Variants in EXOC4 observed in about 807,000 individuals in gnomAD.
EXOC4 encodes the protein exocyst complex component 4, also known as SEC8-like 1.
A neutral mutation model predicts 107.2 loss-of-function variants in EXOC4; 71 were observed. That is an observed-to-expected ratio of 0.66 (90% CI 0.55 to 0.81). The LOEUF (loss-of-function observed/expected upper bound fraction) is 0.81. Ranked by LOEUF, EXOC4 falls within the 30% of genes least tolerant of loss-of-function variation. The pLI is 0.00. For synonymous variants in EXOC4, 456 were observed against 441.2 expected, an observed-to-expected ratio of 1.03 and a Z score of -0.42; for missense variants, 1,108 against 1,189.6, an observed-to-expected ratio of 0.93 and a Z score of 1.01.
At chr7:133,700,101 A>G (rs1562914024) in intron 10 of EXOC4, among the ~76,000 whole-genome samples, 1 of 152,216 alleles carries the variant, frequency 6.6e-6, no homozygotes, top group South Asian at 2.1e-4. Context: ...CAAGAAATGT[A>G]ACTGGAATCA....
chr7:134,051,276 GC>G (rs1412155018), intron 17 of EXOC4, among the ~76,000 whole-genome samples: 6 of 152,128 alleles, frequency 3.9e-5, no homozygotes, highest in Non-Finnish European at 8.8e-5. Context: ...AGAATGGAGG[GC>G]CCCCACCTGA....
At chr7:133,527,214 G>A (rs1212587171) in intron 9 of EXOC4, among the ~76,000 whole-genome samples, 1 of 151,938 alleles carries the variant, frequency 6.6e-6, no homozygotes, top group Non-Finnish European at 1.5e-5. Context: ...GTCCAGCCTG[G>A]CCAACATGGT....
chr7:133,965,144 A>G (rs1370135812), intron 14 of EXOC4, among the ~76,000 whole-genome samples: 1 of 152,056 alleles, frequency 6.6e-6, no homozygotes, highest in South Asian at 2.1e-4. Context: ...AGAAGTGTCT[A>G]TTCATATCCT....
At chr7:133,735,728 A>C (rs753844451) in intron 10 of EXOC4, among the ~76,000 whole-genome samples, 59 of 151,946 alleles carry the variant, frequency 3.9e-4, no homozygotes, top group Admixed American at 5.9e-4. Flanking sequence ...AAATTCTCCA[A>C]ATTTTCTAGA....
At chr7:133,307,580 T>G (rs754102718) in intron 4 of EXOC4, among the ~76,000 whole-genome samples, 1 of 152,210 alleles carries the variant, frequency 6.6e-6, no homozygotes, top group Non-Finnish European at 1.5e-5. Flanking sequence ...TTAAGAGACT[T>G]AAGCTCAAGG....
intron 5 of EXOC4, among the ~76,000 whole-genome samples, chr7:133,353,889 A>C (rs1191674755): frequency 6.6e-6 from 1 of 151,642 alleles, no homozygotes; most frequent in East Asian, 1.9e-4. Flanking sequence ...CTCCCTGCTC[A>C]CATCTGCCTT....
chr7:133,672,891 T>G (rs2151059426), intron 10 of EXOC4, among the ~76,000 whole-genome samples: 1 of 152,360 alleles, frequency 6.6e-6, no homozygotes, highest in Non-Finnish European at 1.5e-5. Flanking sequence ...TTATAATCAC[T>G]TTTAAAATGA....
In EXOC4 at chr7:133,834,894, G is replaced by T. The variant is rs376404354; in HGVS notation, c.1734+17350G>T. Among the ~76,000 whole-genome samples, 9 of 152,220 alleles carry T rather than the reference G, an allele frequency of 5.9e-5. No homozygotes were observed. The East Asian group carries it at 1.7e-3, about 29-fold the overall frequency. Reference sequence around the variant, plus strand: ...ACCAGTGGGAGGTGATTGAATTATGGGTTGGGGGGGTCTTTCCTGCACTGT... The same window carrying T: ...ACCAGTGGGAGGTGATTGAATTATGTGTTGGGGGGGTCTTTCCTGCACTGT... On this transcript the variant is annotated intron_variant, in intron 11 of 17. Transcript: ENST00000253861.
intron 8 of EXOC4, 101 bp downstream of exon 8, chr7:133,475,574 G>A: frequency 1.9e-6 from 2 of 1,052,338 alleles, no homozygotes; most frequent in South Asian, 1.6e-5. Context: ...AGCTTAAGTT[G>A]ATTGAAGTAA....
At chr7:133,932,996 C>T (rs1377139761) in intron 13 of EXOC4, among the ~76,000 whole-genome samples, 1 of 151,422 alleles carries the variant, frequency 6.6e-6, no homozygotes, top group East Asian at 1.9e-4. Flanking sequence ...ATCCCTGAAA[C>T]CTTTTGTAAT....
chr7:134,064,599 GTA>G lies in EXOC4; in HGVS notation c.*75_*76del. ...ACTTTTTTCCTTGGTATGTTATTGA[GTA>G]TATTCTGAGCTTAGTTTTCTCTACA... is the stretch of plus-strand genomic sequence containing the variant. On this transcript the variant is annotated 3_prime_UTR_variant, in exon 18 of 18. Transcript: ENST00000253861. 2 of 1,033,058 alleles carry G rather than the reference GTA, an allele frequency of 1.9e-6. No individual in the cohort carries two copies. The highest frequency in any genetic ancestry group is 2.3e-5 in the Admixed American group (1 of 43,940). The allele number at this position is 1,033,058 out of a possible 1,614,324, so 64.0% of individuals were successfully genotyped here.
intron 17 of EXOC4, among the ~76,000 whole-genome samples, chr7:134,013,158 TGCTATATGAAAGGCCAAATTG>T (rs1173579356): frequency 1.3e-5 from 2 of 152,202 alleles, no homozygotes; most frequent in Admixed American, 6.5e-5. Flanking sequence ...ATTTTTAGTG[TGCTATATGAAAGGCCAAATTG>T]GCAGCCTCTC....
rs56902982 is a variant in EXOC4 at position 133,749,955 on chromosome 7, G to GTTTTTT, written c.1515-67345_1515-67340dup. Among the ~76,000 whole-genome samples, 72 of 62,106 alleles carry GTTTTTT rather than the reference G, an allele frequency of 1.2e-3. 1 individual carries two copies. The highest frequency in any genetic ancestry group is 1.9e-3 in the Non-Finnish European group (64 of 34,008). The allele number at this position is 62,106 out of a possible 152,430, so 40.7% of individuals were successfully genotyped here. A position where few individuals can be genotyped will look rare whatever the true frequency, so the allele number is the denominator to read the frequency against. ...TTGGGCTTCCTAAAGGTGGTTGGCA[G>GTTTTTT]TTTTTTTTTTTTTTTTTTTTTTTTT... On this transcript the variant is annotated intron_variant, in intron 10 of 17. Coordinates refer to ENST00000253861, the MANE Select transcript of EXOC4 (RefSeq NM_021807.4).
At chr7:133,758,629 A>G (rs1282683239) in intron 10 of EXOC4, among the ~76,000 whole-genome samples, 1 of 152,244 alleles carries the variant, frequency 6.6e-6, no homozygotes, top group Admixed American at 6.5e-5. Context: ...GGGGATGAAC[A>G]CGTGTTCTTT....
chr7:133,652,455 A>AC (rs1803184113), intron 10 of EXOC4, among the ~76,000 whole-genome samples: 2 of 152,026 alleles, frequency 1.3e-5, no homozygotes, highest in African/African-American at 4.8e-5. Flanking sequence ...TTTTTAAAAA[A>AC]AACAACCAAA....
intron 6 of EXOC4, among the ~76,000 whole-genome samples, chr7:133,365,977 G>A (rs1796242095): frequency 6.6e-6 from 1 of 152,154 alleles, no homozygotes; most frequent in South Asian, 2.1e-4. Flanking sequence ...GTGGGGAAAA[G>A]CATAACCCTG....
intron 14 of EXOC4, among the ~76,000 whole-genome samples, chr7:133,955,055 C>T (rs1158475566): frequency 6.6e-6 from 1 of 152,230 alleles, no homozygotes; most frequent in Non-Finnish European, 1.5e-5. Context: ...GGGGCCGCAG[C>T]TCTTCTCTCC....
chr7:133,674,364 G>T (rs1465428281), intron 10 of EXOC4, among the ~76,000 whole-genome samples: 1 of 151,978 alleles, frequency 6.6e-6, no homozygotes, highest in Non-Finnish European at 1.5e-5. Context: ...TCTTAGGTGG[G>T]GTCAGGGTTG....
At chr7:133,351,752 T>G (rs2150647630) in intron 5 of EXOC4, among the ~76,000 whole-genome samples, 1 of 152,080 alleles carries the variant, frequency 6.6e-6, no homozygotes, top group Non-Finnish European at 1.5e-5. Flanking sequence ...TCAGATTCCT[T>G]AAGCTGTAAA....
Sources: allele counts gnomAD v4.1 joint callset (sites outside exome capture counted in the v4.1 genomes callset), GRCh38; gene constraint gnomAD v4.1.1; transcripts MANE v1.5; gene names NCBI Gene and HGNC (gene_info 2026-07-23, HGNC 2026-07-21).